Variants in YEATS2 observed in about 807,000 individuals in gnomAD.
YEATS2 encodes the protein YEATS domain-containing protein 2.
YEATS2 carries 77 observed loss-of-function variants against 163.2 expected under a neutral mutation model. The observed-to-expected ratio is 0.47, with a 90% CI of 0.39 to 0.57. The LOEUF (loss-of-function observed/expected upper bound fraction) is 0.57. Among genes scored for constraint, YEATS2 ranks in the 20% least tolerant of loss-of-function variants. The probability of loss-of-function intolerance (pLI) is 0.00; values close to 1 mark genes in which losing one functional copy is unlikely to be tolerated. For missense variants in YEATS2, 1,549 were observed against 1,729.8 expected (o/e 0.90, Z 1.85); for synonymous variants, 631 against 645.1 (o/e 0.98, Z 0.33).
At chr3:183,779,051 C>T (rs1049492120) in intron 19 of YEATS2, among the ~76,000 whole-genome samples, 1 of 152,054 alleles carries the variant, frequency 6.6e-6, no homozygotes, top group Non-Finnish European at 1.5e-5. Context: ...GCTGCGATTA[C>T]AGGAGTCCAC....
Position 183,762,704 on chromosome 3 carries a change from T to A in YEATS2, c.1947+425T>A, listed in dbSNP as rs527802098. On this transcript the variant is annotated intron_variant, in intron 15 of 30. Coordinates refer to ENST00000305135, the MANE Select transcript of YEATS2 (RefSeq NM_018023.5). ...CTTAGCTTTCTGTAGAGTTCTTTTT[T>A]TTTTTTAATAATTTGGAGGTACAGG... Among the ~76,000 whole-genome samples, 4 of 152,230 alleles carry A rather than the reference T, an allele frequency of 2.6e-5. No individual in the cohort carries two copies. The East Asian group carries it at 7.7e-4, about 29-fold the overall frequency.
At chr3:183,747,811 G>A (rs747271090) in intron 9 of YEATS2, 95 bp downstream of exon 9, 120 of 1,178,976 alleles carry the variant, frequency 1.0e-4, no homozygotes, top group Middle Eastern at 4.0e-4. Flanking sequence ...CGGGGTCTTC[G>A]CTCTGTCACC....
In YEATS2 at chr3:183,790,916, C is replaced by A. The variant is rs377202220; in HGVS notation, c.3033C>A (p.Thr1011=). The A allele has an allele frequency of 6.2e-7, 1 of 1,614,198 alleles. No homozygotes were observed. Among genetic ancestry groups the A allele is most frequent in the Non-Finnish European group, 8.5e-7 (1 of 1,180,036 alleles). Residue 1011 remains threonine (T), a synonymous_variant, in exon 21 of 31, where the codon ACC becomes ACA. Coordinates refer to ENST00000305135, the MANE Select transcript of YEATS2 (RefSeq NM_018023.5). ...GAACCTGCAAGGCTGCCACCCCCAC[C>A]GTCGTCAGCGCCACGTCCCTCGTGC... ...TVGTCKAATP[T]VVSATSLVPT...
chr3:183,791,027 C>A (rs1560320432), intron 21 of YEATS2, 47 bp downstream of exon 21: 4 of 1,588,494 alleles, frequency 2.5e-6, no homozygotes, highest in Middle Eastern at 3.4e-4. Flanking sequence ...TCTCATTGGG[C>A]TGGAATATTT....
At chr3:183,807,124 C>G (rs562370619) in intron 28 of YEATS2, 32 bp downstream of exon 28, 3 of 1,571,006 alleles carry the variant, frequency 1.9e-6, no homozygotes, top group East Asian at 4.5e-5. Flanking sequence ...GTTCATGCAG[C>G]AGACCAGCTC....
chr3:183,760,243 G>A (rs1300116514), intron 13 of YEATS2, among the ~76,000 whole-genome samples: 8 of 148,674 alleles, frequency 5.4e-5, no homozygotes, highest in Non-Finnish European at 4.5e-5. Context: ...AGTGTTCTTC[G>A]TTTCCAAATT....
intron 1 of YEATS2, among the ~76,000 whole-genome samples, chr3:183,712,764 ATTTT>A (rs35062693): frequency 3.4e-5 from 5 of 146,382 alleles, no homozygotes; most frequent in African/African-American, 1.0e-4. Context: ...ACTAATACAA[ATTTT>A]TTTTTTTTTT....
chr3:183,769,026 C>A (rs1722194762), intron 15 of YEATS2, among the ~76,000 whole-genome samples: 1 of 152,144 alleles, frequency 6.6e-6, no homozygotes, highest in East Asian at 1.9e-4. Context: ...GGTATTTCAA[C>A]CAAACCAGGA....
In YEATS2 at chr3:183,743,621, G is replaced by A. The variant is rs115773109; in HGVS notation, c.925-4051G>A. Among the ~76,000 whole-genome samples, 1,517 of 151,918 alleles carry A rather than the reference G, an allele frequency of 1.0e-2. 28 individuals are homozygous for A. The highest frequency in any genetic ancestry group is 0.034 in the African/African-American group (1,423 of 41,440). On this transcript the variant is annotated intron_variant, in intron 8 of 30. Coordinates refer to ENST00000305135, the MANE Select transcript of YEATS2 (RefSeq NM_018023.5). The stretch of plus-strand genomic sequence containing the variant: ...TCAGCCTCCCAAAGTGCTGGCATTA[G>A]AGGCGTGAACCACCTTGCCTGGCCC...
intron 8 of YEATS2, among the ~76,000 whole-genome samples, chr3:183,739,087 T>C (rs1718676206): frequency 6.6e-6 from 1 of 151,168 alleles, no homozygotes; most frequent in African/African-American, 2.4e-5. Flanking sequence ...TTTTTAATGA[T>C]TGCCATTCTA....
Position 183,810,522 on chromosome 3 carries a change from A to G in YEATS2, c.4208A>G (p.Asn1403Ser), listed in dbSNP as rs371236477. 13 of 1,614,088 alleles carry G rather than the reference A, an allele frequency of 8.1e-6. No individual in the cohort carries two copies. Among genetic ancestry groups the G allele is most frequent in the Non-Finnish European group, 1.0e-5 (12 of 1,180,044 alleles). The part of the protein sequence containing the change: ...TVSNIHQAIC[N>S]IPFLDFLTNK... Reference sequence around the variant, plus strand: ...AGTAATATTCACCAGGCCATTTGCAACATTCCTTTTCTGGACTTCCTCACA... The same window carrying G: ...AGTAATATTCACCAGGCCATTTGCAGCATTCCTTTTCTGGACTTCCTCACA... Residue 1403 changes from asparagine (N) to serine (S), a missense_variant, in exon 31 of 31, where the codon AAC (asparagine) becomes AGC (serine). Asn to Ser is a conservative substitution (Grantham distance 46, BLOSUM62 1). Coordinates refer to ENST00000305135, the MANE Select transcript of YEATS2 (RefSeq NM_018023.5).
chr3:183,791,095 A>G, intron 21 of YEATS2, 115 bp downstream of exon 21: 1 of 1,358,502 alleles, frequency 7.4e-7, no homozygotes, highest in Non-Finnish European at 1.0e-6. Flanking sequence ...GTGCAATATC[A>G]CAATCTCGAC....
intron 8 of YEATS2, among the ~76,000 whole-genome samples, chr3:183,738,707 C>A (rs1718629620): frequency 7.3e-6 from 1 of 136,498 alleles, no homozygotes; most frequent in African/African-American, 2.7e-5. Context: ...CCAATTTCAT[C>A]CATGTCCCTA....
intron 29 of YEATS2, among the ~76,000 whole-genome samples, chr3:183,808,569 T>C (rs1235382094): frequency 6.6e-6 from 1 of 152,190 alleles, no homozygotes; most frequent in Non-Finnish European, 1.5e-5. Context: ...AAATACAATG[T>C]CTAGGGCTGG....
chr3:183,793,609 C>CTTTTTTTTTTTTTTTTTTT (rs35098553), intron 21 of YEATS2: 1 of 109,384 alleles, frequency 9.1e-6, no homozygotes, highest in Non-Finnish European at 1.7e-5. Flanking sequence ...TTCTTTCTTT[C>CTTTTTTTTTTTTTTTTTTT]TTTTTTTTTT....
At chr3:183,700,512 C>T (rs946470055) in intron 1 of YEATS2, among the ~76,000 whole-genome samples, 11 of 152,042 alleles carry the variant, frequency 7.2e-5, no homozygotes, top group African/African-American at 2.4e-4. Context: ...TGTCGTGATA[C>T]CCAGTAGATG....
Position 183,786,254 on chromosome 3 carries a change from G to A in YEATS2, c.2866G>A (p.Ala956Thr), listed in dbSNP as rs1166125253. 2 of 1,613,918 alleles carry A rather than the reference G, an allele frequency of 1.2e-6. No homozygotes were observed. Among genetic ancestry groups the A allele is most frequent in the African/African-American group, 2.7e-5 (2 of 74,896 alleles). Residue 956 changes from alanine to threonine, a missense_variant, in exon 20 of 31, where the codon GCC (alanine) becomes ACC (threonine). Transcript: ENST00000305135. ...LRVAGGVITT[A>T]TSPAVALSAN... ...AGTAGCAGGAGGGGTTATCACAACTGCCACTTCCCCTGCCGTGGCCCTCTC... is the reference window on the plus strand; with the variant it reads ...AGTAGCAGGAGGGGTTATCACAACTACCACTTCCCCTGCCGTGGCCCTCTC...
At chr3:183,768,846 C>T (rs1355133331) in intron 15 of YEATS2, among the ~76,000 whole-genome samples, 1 of 152,108 alleles carries the variant, frequency 6.6e-6, no homozygotes, top group Non-Finnish European at 1.5e-5. Context: ...GTGGCGTGTG[C>T]CCATAATCCC....
intron 1 of YEATS2, among the ~76,000 whole-genome samples, chr3:183,700,598 CTTT>C (rs748017835): frequency 2.4e-5 from 3 of 126,610 alleles, no homozygotes; most frequent in Non-Finnish European, 4.9e-5. Flanking sequence ...TCTTTTCTTT[CTTT>C]TTTTTTTTTT....
Sources: allele counts gnomAD v4.1 joint callset (sites outside exome capture counted in the v4.1 genomes callset), GRCh38; gene constraint gnomAD v4.1.1; transcripts MANE v1.5; gene names NCBI Gene and HGNC (gene_info 2026-07-23, HGNC 2026-07-21).